EPHX2: variants seen among roughly 807,000 people sequenced by gnomAD.
EPHX2 encodes the protein epoxide hydrolase 2, also known as bifunctional epoxide hydrolase 2.
Under a neutral mutation model 78.7 loss-of-function variants are expected in EPHX2, and 74 were observed. The ratio of observed to expected loss-of-function variants is 0.94; its 90% CI spans 0.78 to 1.14. The LOEUF (loss-of-function observed/expected upper bound fraction) is 1.14. Among genes scored for constraint, EPHX2 ranks in the 50% most tolerant of loss-of-function variants. The probability of loss-of-function intolerance (pLI) is 0.00; values close to 1 mark genes in which losing one functional copy is unlikely to be tolerated. For missense variants in EPHX2, 715 were observed against 702.5 expected, an observed-to-expected ratio of 1.02 and a Z score of -0.20; for synonymous variants, 251 against 255.2, an observed-to-expected ratio of 0.98 and a Z score of 0.16.
Position 27,540,672 on chromosome 8 carries a change from G to A in EPHX2, c.1379+16G>A. On this transcript the variant is annotated intron_variant, in intron 15 of 18. Transcript: ENST00000521400. ...CTGGTTTCAGGTAAAGAGAGCACAG[G>A]GCCCAGACACAGATGAGAGATGATC... The A allele has an allele frequency of 1.2e-6, 2 of 1,609,366 alleles. No individual in the cohort carries two copies. Among genetic ancestry groups the A allele is most frequent in the Non-Finnish European group, 8.5e-7 (1 of 1,175,740 alleles).
At chr8:27,534,484 C>G (rs1488310488) in intron 12 of EPHX2, among the ~76,000 whole-genome samples, 2 of 152,040 alleles carry the variant, frequency 1.3e-5, no homozygotes, top group Non-Finnish European at 2.9e-5. Flanking sequence ...AACCCCGTCT[C>G]TACTAAAAAT....
rs555970867 is a variant in EPHX2 at position 27,523,127 on chromosome 8, G to C, written c.1058+619G>C. Among the ~76,000 whole-genome samples the C allele has an allele frequency of 2.0e-5, 3 of 152,280 alleles. No homozygotes were observed. In the East Asian group the frequency reaches 5.8e-4, roughly 29 times the overall value. On this transcript the variant is annotated intron_variant, in intron 11 of 18. Transcript: ENST00000521400. ...TTGAGGGGTGCAGGGGAGGCAACAGGTGTGTCTTCAGTCCTGGACTGAGAA... is the reference window on the plus strand; with the variant it reads ...TTGAGGGGTGCAGGGGAGGCAACAGCTGTGTCTTCAGTCCTGGACTGAGAA...
intron 14 of EPHX2, among the ~76,000 whole-genome samples, chr8:27,539,785 G>A (rs1006716671): frequency 2.0e-5 from 3 of 152,230 alleles, no homozygotes; most frequent in African/African-American, 4.8e-5. Flanking sequence ...CTGGTGGGGA[G>A]GCTCAGGGTG....
intron 1 of EPHX2, among the ~76,000 whole-genome samples, chr8:27,496,149 A>G (rs551698874): frequency 1.3e-5 from 2 of 152,156 alleles, no homozygotes; most frequent in African/African-American, 2.4e-5. Flanking sequence ...TTAGGCCTAG[A>G]TATTTGACTT....
In EPHX2 at chr8:27,525,107, T is replaced by TGCGCGCGC. The variant is rs1182901102; in HGVS notation, c.1059-246_1059-239dup. 1.0e-3 allele frequency among the ~76,000 whole-genome samples: 107 copies of TGCGCGCGC among 103,482 alleles called. 1 individual carries two copies. The highest frequency in any genetic ancestry group is 2.1e-3 in the African/African-American group (57 of 27,642). 67.9% of individuals were successfully genotyped at this position (103,482 alleles called of 152,430 possible). On this transcript the variant is annotated intron_variant, in intron 11 of 18. Transcript: ENST00000521400. ...GTGTGTGTGTGTGTGTGTGTGTGTGTGCGCGCGCGCGCGCGCACCTATGTG... is the reference window on the plus strand; with the variant it reads ...GTGTGTGTGTGTGTGTGTGTGTGTGTGCGCGCGCGCGCGCGCGCGCGCGCACCTATGTG...
chr8:27,515,826 G>C lies in EPHX2; in HGVS notation c.831+13G>C. ...TTGGAGGTACCAGGTGAGAAAGCTG[G>C]GGAAGATGCAGCCAGTCAGGGTGAG... On this transcript the variant is annotated intron_variant, in intron 7 of 18. Transcript: ENST00000521400. 6.2e-7 allele frequency: 1 copy of C among 1,611,518 alleles called. No individual in the cohort carries two copies. Among genetic ancestry groups the C allele is most frequent in the Non-Finnish European group, 8.5e-7 (1 of 1,177,970 alleles).
chr8:27,532,662 C>T (rs758951497), intron 12 of EPHX2, among the ~76,000 whole-genome samples: 18 of 152,114 alleles, frequency 1.2e-4, no homozygotes, highest in Non-Finnish European at 1.8e-4. Flanking sequence ...ACATCACGCC[C>T]GTCCCTGCCT....
intron 5 of EPHX2, among the ~76,000 whole-genome samples, chr8:27,508,946 C>CTTTTTTTTTTTTTTTTTTTT (rs34748947): frequency 1.6e-5 from 1 of 64,408 alleles, no homozygotes; most frequent in African/African-American, 7.7e-5. Context: ...CCCCATCCTG[C>CTTTTTTTTTTTTTTTTTTTT]TTTTTTTTTT....
At position 27,540,542 on chromosome 8, in the gene EPHX2, C is replaced by A; in HGVS notation, c.1277-12C>A. On this transcript the variant is annotated splice_polypyrimidine_tract_variant and intron_variant, in intron 14 of 18. Coordinates refer to ENST00000521400, the MANE Select transcript of EPHX2 (RefSeq NM_001979.6). ...CGGGGATGGGAAAGTCAACAAGTGG[C>A]TTTTTTTGCAGGAGGACTTTTTGTA... 1.2e-6 allele frequency: 2 copies of A among 1,613,430 alleles called. No individual in the cohort carries two copies. The highest frequency in any genetic ancestry group is 1.7e-6 in the Non-Finnish European group (2 of 1,179,502).
chr8:27,507,331 C>T (rs1159535498), intron 5 of EPHX2, among the ~76,000 whole-genome samples: 1 of 152,204 alleles, frequency 6.6e-6, no homozygotes, highest in African/African-American at 2.4e-5. Context: ...ATCAGGGCCC[C>T]TACCTGGCAT....
intron 6 of EPHX2, 65 bp from the exon 7 acceptor site, chr8:27,515,653 C>T: frequency 7.3e-7 from 1 of 1,373,640 alleles, no homozygotes. Flanking sequence ...TCTGCAGACG[C>T]TGTGGGGCCT....
chr8:27,541,418 T>A, intron 15 of EPHX2, 55 bp from the exon 16 acceptor site: 1 of 1,573,538 alleles, frequency 6.4e-7, no homozygotes, highest in Non-Finnish European at 8.7e-7. Context: ...CTGGTGTCTG[T>A]AGCAGAGCCG....
Position 27,501,375 on chromosome 8 carries a change from CTTCTTCTTCTTCTTCTTCT to C in EPHX2, c.186+374_186+392del, listed in dbSNP as rs1248757183. Among the ~76,000 whole-genome samples, 38 of 131,758 alleles carry C rather than the reference CTTCTTCTTCTTCTTCTTCT, an allele frequency of 2.9e-4. 2 individuals carry two copies. The highest frequency in any genetic ancestry group is 9.4e-4 in the African/African-American group (32 of 33,892). 86.4% of individuals were successfully genotyped at this position (131,758 alleles called of 152,430 possible). On this transcript the variant is annotated intron_variant, in intron 2 of 18. Transcript: ENST00000521400. ...TCTTCTTCTTCTTCTTCTTCTTCTT[CTTCTTCTTCTTCTTCTTCT>C]TTCTTCTTTCTTCTTTCTTCTTTTT... is the stretch of plus-strand genomic sequence containing the variant.
At chr8:27,541,188 T>C (rs1815387527) in intron 15 of EPHX2, among the ~76,000 whole-genome samples, 1 of 152,110 alleles carries the variant, frequency 6.6e-6, no homozygotes, top group Non-Finnish European at 1.5e-5. Flanking sequence ...ACGATGACAT[T>C]CCCTGGAGGG....
In EPHX2 at chr8:27,540,482, A is replaced by G. The variant is rs1208666871; in HGVS notation, c.1277-72A>G. 7 of 1,351,544 alleles carry G rather than the reference A, an allele frequency of 5.2e-6. No individual in the cohort carries two copies. In the East Asian group the frequency reaches 9.2e-5, roughly 18 times the overall value. 83.7% of individuals were successfully genotyped at this position (1,351,544 alleles called of 1,614,324 possible). On this transcript the variant is annotated intron_variant, in intron 14 of 18. Transcript: ENST00000521400. ...AAGTTCAGATGGTCTGCGAGAGGCA[A>G]TGAGGTCCCCACCTTAAAATGCAGA...
Position 27,516,195 on chromosome 8 carries a change from C to T in EPHX2, c.832-125C>T, listed in dbSNP as rs1814445371. 4.2e-6 allele frequency: 4 copies of T among 959,970 alleles called. No homozygotes were observed. In the East Asian group the frequency reaches 7.3e-5, roughly 17 times the overall value. 59.5% of individuals were successfully genotyped at this position (959,970 alleles called of 1,614,324 possible). On this transcript the variant is annotated intron_variant, in intron 7 of 18. Transcript: ENST00000521400. ...TATTTCAGCTCCATGGCAAAGTTAC[C>T]GGGTAGTGCCCTGTGGCTCTTGGTT...
At chr8:27,525,106 G>A (rs1814787381) in intron 11 of EPHX2, among the ~76,000 whole-genome samples, 1 of 134,976 alleles carries the variant, frequency 7.4e-6, no homozygotes, top group Non-Finnish European at 1.6e-5. Context: ...GTGTGTGTGT[G>A]TGCGCGCGCG....
At chr8:27,538,575 T>G in intron 13 of EPHX2, 84 bp from the exon 14 acceptor site, 1 of 1,303,470 alleles carries the variant, frequency 7.7e-7, no homozygotes, top group Non-Finnish European at 1.1e-6. Flanking sequence ...CTTTGTCATT[T>G]GTCGTAACAG....
At chr8:27,539,746 C>G (rs1815334574) in intron 14 of EPHX2, among the ~76,000 whole-genome samples, 1 of 152,216 alleles carries the variant, frequency 6.6e-6, no homozygotes, top group Admixed American at 6.5e-5. Flanking sequence ...CAGAGGGGCC[C>G]TGAGGTACAG....
Sources: allele counts gnomAD v4.1 joint callset (sites outside exome capture counted in the v4.1 genomes callset), GRCh38; gene constraint gnomAD v4.1.1; transcripts MANE v1.5; gene names NCBI Gene and HGNC (gene_info 2026-07-23, HGNC 2026-07-21).